The following C4orf50 variants were observed in gnomAD, a reference collection of about 807,000 sequenced individuals.
C4orf50 encodes uncharacterized protein C4orf50.
C4orf50 carries 80 observed loss-of-function variants against 77.2 expected under a neutral mutation model. That is an observed-to-expected ratio of 1.04 (90% CI 0.87 to 1.25). C4orf50 has a LOEUF of 1.25. Among genes scored for constraint, C4orf50 ranks in the 50% most tolerant of loss-of-function variants. The pLI is 0.00. For synonymous variants in C4orf50, 532 were observed against 465.3 expected (o/e 1.14, Z -1.84); for missense variants, 1,257 against 1,152.9 (o/e 1.09, Z -1.31).
intron 7 of C4orf50, among the ~76,000 whole-genome samples, chr4:5,936,670 A>T (rs1718034831): frequency 6.6e-6 from 1 of 151,540 alleles, no homozygotes; most frequent in African/African-American, 2.4e-5. Flanking sequence ...ACTTAACATG[A>T]GTTTCAGAAG....
At chr4:5,980,451 T>G in intron 28 of C4orf50, 113 bp from the exon 7 acceptor site, 1 of 931,112 alleles carries the variant, frequency 1.1e-6, no homozygotes, top group Non-Finnish European at 1.6e-6. Flanking sequence ...TTGTTGTTGT[T>G]GTTTTCCTGC....
exon 34 of C4orf50, chr4:5,959,484 G>A (rs1719151733): frequency 6.2e-7 from 1 of 1,614,086 alleles, no homozygotes; most frequent in South Asian, 1.1e-5. Context: ...GAGCTCAGAG[G>A]GTGCTGGGAC....
intron 23 of C4orf50, among the ~76,000 whole-genome samples, chr4:6,012,171 C>T (rs566794135): frequency 6.6e-6 from 1 of 152,250 alleles, no homozygotes; most frequent in African/African-American, 2.4e-5. Flanking sequence ...GTTATTTGAA[C>T]AATTAGGTAC....
exon 26 of C4orf50, chr4:5,994,417 G>A: frequency 2.5e-6 from 1 of 399,152 alleles, no homozygotes; most frequent in South Asian, 1.3e-4. Context: ...TTCTGCAGGG[G>A]TCCAGGGCCT....
chr4:6,013,712 G>C (rs188670402), intron 23 of C4orf50, among the ~76,000 whole-genome samples: 1 of 152,148 alleles, frequency 6.6e-6, no homozygotes, highest in African/African-American at 2.4e-5. Context: ...GCATGCAGCT[G>C]GGTCCAAAGA....
At chr4:5,960,568 G>A (rs1456855333) in intron 33 of C4orf50, among the ~76,000 whole-genome samples, 1 of 152,240 alleles carries the variant, frequency 6.6e-6, no homozygotes, top group Non-Finnish European at 1.5e-5. Flanking sequence ...TATGTGCCAA[G>A]CCTGACCTTG....
intron 25 of C4orf50, among the ~76,000 whole-genome samples, chr4:6,004,225 T>TGGTGATG (rs1491010298): frequency 1.2e-4 from 4 of 33,276 alleles, no homozygotes; most frequent in Admixed American, 3.0e-4. Context: ...ATGGTGATGA[T>TGGTGATG]GTGATGGTGA....
chr4:5,993,029 C>T (rs1480848990), intron 26 of C4orf50, 99 bp from the exon 5 acceptor site: 5 of 389,492 alleles, frequency 1.3e-5, no homozygotes, highest in African/African-American at 4.4e-5. Flanking sequence ...GGTAAGATGG[C>T]ACCCCCCCCA....
chr4:5,994,573 G>A (rs73196033), intron 25 of C4orf50, 97 bp from the exon 4 acceptor site: 64,072 of 397,870 alleles, frequency 0.16, 5,947 homozygotes, highest in Middle Eastern at 0.2. Context: ...AAGGGAGCTT[G>A]AGTCTCTTCC....
At chr4:5,973,779 C>T (rs748123627) in exon 31 of C4orf50, 3 of 1,613,730 alleles carry the variant, frequency 1.9e-6, no homozygotes, top group South Asian at 1.1e-5. Flanking sequence ...GCAGCTCCTG[C>T]AGCAGGTGGG....
chr4:5,980,059 C>A, intron 29 of C4orf50, 115 bp downstream of exon 7: 3 of 727,630 alleles, frequency 4.1e-6, no homozygotes, highest in East Asian at 6.5e-5. Flanking sequence ...AAATCCAGTA[C>A]CTGCTCCCAA....
chr4:5,940,116 C>T (rs940375781), intron 7 of C4orf50, among the ~76,000 whole-genome samples: 1 of 152,188 alleles, frequency 6.6e-6, no homozygotes, highest in Non-Finnish European at 1.5e-5. Flanking sequence ...TATTTGGCCA[C>T]CCAACTCAGC....
At chr4:5,934,724 C>T (rs529768598) in intron 7 of C4orf50, among the ~76,000 whole-genome samples, 18 of 152,286 alleles carry the variant, frequency 1.2e-4, no homozygotes, top group African/African-American at 2.6e-4. Context: ...AAGCCTAGAA[C>T]GAGGGTTTAC....
At chr4:5,972,736 C>T (rs867863723) in intron 31 of C4orf50, among the ~76,000 whole-genome samples, 9 of 152,206 alleles carry the variant, frequency 5.9e-5, no homozygotes, top group Non-Finnish European at 7.3e-5. Context: ...AAAACAGCCC[C>T]GGCTGTGTTT....
intron 7 of C4orf50, among the ~76,000 whole-genome samples, chr4:5,925,225 T>C (rs1717462398): frequency 7.0e-6 from 1 of 142,956 alleles, no homozygotes; most frequent in East Asian, 2.2e-4. Context: ...GGAAGGGATA[T>C]GGCGCTCGGC....
chr4:5,973,950 C>G, intron 30 of C4orf50, 109 bp from the exon 9 acceptor site: 1 of 883,322 alleles, frequency 1.1e-6, no homozygotes, highest in Non-Finnish European at 1.7e-6. Flanking sequence ...CCATCCCCAG[C>G]CCTGCCTCAG....
chr4:5,975,806 C>T, intron 30 of C4orf50, 93 bp downstream of exon 8: 1 of 1,021,520 alleles, frequency 9.8e-7, no homozygotes, highest in Non-Finnish European at 1.5e-6. Flanking sequence ...GACTTTTATA[C>T]AATAGAGGTG....
intron 7 of C4orf50, among the ~76,000 whole-genome samples, chr4:5,949,078 T>A (rs567438195): frequency 3.3e-5 from 5 of 151,042 alleles, no homozygotes; most frequent in Middle Eastern, 3.5e-3. Context: ...CTGGATAAAA[T>A]CAAAGCTCTG....
intron 29 of C4orf50, among the ~76,000 whole-genome samples, chr4:5,979,757 C>A (rs1008578160): frequency 6.6e-6 from 1 of 152,206 alleles, no homozygotes; most frequent in Non-Finnish European, 1.5e-5. Flanking sequence ...GAAATGGCCA[C>A]AATTCACTGA....
Sources: gnomAD v4.1 joint callset for allele counts (sites outside exome capture counted in the v4.1 genomes callset) on GRCh38, gnomAD v4.1.1 for gene constraint, MANE v1.5 for transcripts, NCBI Gene and HGNC (gene_info 2026-07-23, HGNC 2026-07-21) for gene names.